CYP4Z1: variants seen among roughly 807,000 people sequenced by gnomAD.
The protein encoded by CYP4Z1 is cytochrome P450 family 4 subfamily Z member 1, also known as cytochrome P450 4Z1.
In CYP4Z1, 41 loss-of-function variants were observed where a neutral mutation model predicts 54.2. That is an observed-to-expected ratio of 0.76 (90% CI 0.59 to 0.98). CYP4Z1 has a LOEUF of 0.98. Among genes scored for constraint, CYP4Z1 ranks in the 50% least tolerant of loss-of-function variants. The pLI, the probability that CYP4Z1 is intolerant of heterozygous loss-of-function variation, is 0.00. For synonymous variants in CYP4Z1, 163 were observed against 206.2 expected (o/e 0.79, Z 1.79); for missense variants, 513 against 599.0 (o/e 0.86, Z 1.50).
At chr1:47,056,960 T>G in the CYP4Z1 span, among the ~76,000 whole-genome samples, 2 of 152,058 alleles carry the variant, frequency 1.3e-5, no homozygotes, top group Non-Finnish European at 2.9e-5. Context: ...GATCCTGTCA[T>G]TATGATGTTA....
chr1:47,067,807 A>G (rs1223057065), intron 1 of CYP4Z1, 140 bp downstream of exon 1: 2 of 738,802 alleles, frequency 2.7e-6, no homozygotes, highest in East Asian at 3.0e-5. Context: ...CAAAAATTCT[A>G]TGATATGGGG....
chr1:47,070,435 G>GTACACAT (rs112639119), intron 2 of CYP4Z1, among the ~76,000 whole-genome samples: 3,722 of 84,418 alleles, frequency 0.044, 937 homozygotes, highest in African/African-American at 0.2. Context: ...CTGGAACTCT[G>GTACACAT]TACACATTAA....
chr1:47,073,303 C>T (rs1322853907), intron 2 of CYP4Z1, among the ~76,000 whole-genome samples: 1 of 110,698 alleles, frequency 9.0e-6, no homozygotes, highest in African/African-American at 3.5e-5. Context: ...ATGAATATAC[C>T]ACATTTTGTT....
In CYP4Z1 at chr1:47,106,206, A is replaced by G. The variant is rs761531357; in HGVS notation, c.1146A>G (p.Ile382Met). 6.2e-6 allele frequency: 10 copies of G among 1,613,590 alleles called. No homozygotes were observed. The East Asian group carries it at 2.2e-4, about 36-fold the overall frequency. The change falls in exon 9 of 12, where the codon ATA becomes ATG. Residue 382 changes from isoleucine to methionine, a missense_variant. Physicochemically the swap from Ile to Met is conservative, Grantham distance 10. Transcript: ENST00000334194. The stretch of plus-strand genomic sequence containing the variant: ...GCCTCTACGCACCGGTAGTAAACAT[A>G]TCCCGGTTACTCGACAAACCCATCA... Reference protein sequence around the residue: ...CLRLYAPVVNISRLLDKPITF... With the variant: ...CLRLYAPVVNMSRLLDKPITF...
intron 3 of CYP4Z1, 107 bp from the exon 4 acceptor site, chr1:47,082,227 T>A: frequency 7.2e-7 from 1 of 1,386,790 alleles, no homozygotes; most frequent in Non-Finnish European, 9.7e-7. Context: ...CTCTGTCCAC[T>A]CTAACTTTTC....
chr1:47,116,574 C>A, intron 10 of CYP4Z1, 76 bp from the exon 11 acceptor site: 1 of 590,870 alleles, frequency 1.7e-6, no homozygotes, highest in Non-Finnish European at 2.6e-6. Context: ...CTATGGATTT[C>A]GTTTTTGTTT....
intron 9 of CYP4Z1, among the ~76,000 whole-genome samples, chr1:47,109,420 C>T (rs554427906): frequency 2.0e-5 from 3 of 152,238 alleles, no homozygotes; most frequent in Admixed American, 2.0e-4. Context: ...CTTAGTAAGG[C>T]TGAGCTACTT....
intron 6 of CYP4Z1, among the ~76,000 whole-genome samples, chr1:47,092,474 T>A (rs1644645975): frequency 6.6e-6 from 1 of 151,104 alleles, no homozygotes. Context: ...TTATCTGGCT[T>A]CTGGTCTCTT....
At chr1:47,077,764 G>T (rs769550833) in intron 2 of CYP4Z1, among the ~76,000 whole-genome samples, 3 of 151,540 alleles carry the variant, frequency 2.0e-5, no homozygotes, top group Non-Finnish European at 4.4e-5. Flanking sequence ...GGAACTACAG[G>T]CCTGCACCAC....
chr1:47,113,907 G>A lies in CYP4Z1; in HGVS notation c.1202-1622G>A, dbSNP rs567575298. Among the ~76,000 whole-genome samples, 62 of 152,234 alleles carry A rather than the reference G, an allele frequency of 4.1e-4. 2 individuals carry two copies. Among genetic ancestry groups the A allele is most frequent in the South Asian group, 2.1e-3 (10 of 4,828 alleles). The stretch of plus-strand genomic sequence containing the variant: ...ATAGTTTCAATGCCATCCCTATCAA[G>A]CTACCAATGACTTTCTTCACAGAAT... On this transcript the variant is annotated intron_variant, in intron 9 of 11. Transcript: ENST00000334194.
At chr1:47,112,831 A>G (rs1644803310) in intron 9 of CYP4Z1, among the ~76,000 whole-genome samples, 1 of 152,190 alleles carries the variant, frequency 6.6e-6, no homozygotes. Context: ...ATCCATTAAT[A>G]TAATTTATTA....
intron 8 of CYP4Z1, among the ~76,000 whole-genome samples, chr1:47,104,455 T>TG (rs113834987): frequency 6.6e-5 from 10 of 152,284 alleles, no homozygotes; most frequent in African/African-American, 2.4e-4. Flanking sequence ...GTTCTGGAAA[T>TG]GGCAGTGGTG....
intron 6 of CYP4Z1, among the ~76,000 whole-genome samples, chr1:47,090,016 T>C (rs1477223299): frequency 1.3e-5 from 2 of 152,254 alleles, no homozygotes; most frequent in Non-Finnish European, 2.9e-5. Flanking sequence ...TCATAGACCC[T>C]CTTACAACAT....
intron 2 of CYP4Z1, among the ~76,000 whole-genome samples, chr1:47,078,524 A>G (rs889823686): frequency 1.4e-5 from 2 of 142,390 alleles, no homozygotes; most frequent in African/African-American, 5.3e-5. Flanking sequence ...AGTAAGTCCA[A>G]CGTCTATGCT....
At chr1:47,074,103 T>C (rs1644501479) in intron 2 of CYP4Z1, among the ~76,000 whole-genome samples, 1 of 152,336 alleles carries the variant, frequency 6.6e-6, no homozygotes, top group Admixed American at 6.5e-5. Flanking sequence ...CTTTAGTCCT[T>C]TTTTTGGGTG....
chr1:47,060,043 T>A, the CYP4Z1 span, among the ~76,000 whole-genome samples: 4 of 151,336 alleles, frequency 2.6e-5, no homozygotes, highest in Non-Finnish European at 5.9e-5. Context: ...TATTGGGAAA[T>A]ATCCTAGTTT....
intron 6 of CYP4Z1, among the ~76,000 whole-genome samples, chr1:47,090,408 A>G (rs1358017742): frequency 6.6e-6 from 1 of 152,264 alleles, no homozygotes; most frequent in Non-Finnish European, 1.5e-5. Context: ...TGCAAATAGT[A>G]GCATGACTAT....
intron 2 of CYP4Z1, among the ~76,000 whole-genome samples, chr1:47,074,140 T>C (rs1489601988): frequency 5.9e-5 from 9 of 152,134 alleles, no homozygotes; most frequent in Admixed American, 2.0e-4. Flanking sequence ...GGGGCATTTG[T>C]TTATTTATTT....
At chr1:47,115,392 C>A (rs1644822327) in intron 9 of CYP4Z1, 137 bp from the exon 10 acceptor site, 1 of 700,354 alleles carries the variant, frequency 1.4e-6, no homozygotes, top group Non-Finnish European at 2.4e-6. Flanking sequence ...CACATGTATA[C>A]ATATGTAACA....
Sources: allele counts gnomAD v4.1 joint callset (sites outside exome capture counted in the v4.1 genomes callset), GRCh38; gene constraint gnomAD v4.1.1; transcripts MANE v1.5; gene names NCBI Gene and HGNC (gene_info 2026-07-23, HGNC 2026-07-21).